Variants in PVT1 observed in about 807,000 individuals in gnomAD.
PVT1 encodes the protein CXCR4/PVT1 fusion.
At chr8:127,858,905 T>C (rs533812747) in intron 2 of PVT1, among the ~76,000 whole-genome samples, 2 of 145,664 alleles carry the variant, frequency 1.4e-5, no homozygotes, top group Middle Eastern at 7.2e-3. Flanking sequence ...GCTTCTGGGT[T>C]CAAATGATTC....
chr8:127,817,518 T>C (rs1814677843), intron 2 of PVT1, among the ~76,000 whole-genome samples: 1 of 74,000 alleles, frequency 1.4e-5, no homozygotes, highest in South Asian at 4.6e-4. Context: ...TAAATAGATA[T>C]ATCTATTTAA....
intron 3 of PVT1, among the ~76,000 whole-genome samples, chr8:127,904,338 G>T (rs1249471666): frequency 3.4e-5 from 1 of 29,140 alleles, no homozygotes; most frequent in East Asian, 5.7e-4. Flanking sequence ...TGTTCTGGTG[G>T]GTTATCCAGT....
intron 3 of PVT1, among the ~76,000 whole-genome samples, chr8:127,945,857 G>C (rs1464925298): frequency 5.3e-5 from 8 of 152,076 alleles, no homozygotes; most frequent in Non-Finnish European, 1.2e-4. Flanking sequence ...GGAACCGAAG[G>C]CCTGGCTTTT....
intron 2 of PVT1, among the ~76,000 whole-genome samples, chr8:127,823,916 G>A (rs1490321233): frequency 6.6e-6 from 1 of 152,222 alleles, no homozygotes; most frequent in Admixed American, 6.5e-5. Flanking sequence ...TCTGAGGCTG[G>A]GTGAGGTGGC....
chr8:127,903,939 T>C (rs1322089837), intron 3 of PVT1, among the ~76,000 whole-genome samples: 1 of 152,224 alleles, frequency 6.6e-6, no homozygotes, highest in Admixed American at 6.5e-5. Context: ...AATTTTAGAA[T>C]AGTTTTTTCT....
At chr8:127,889,119 C>CTCTT (rs113371797) in intron 2 of PVT1, among the ~76,000 whole-genome samples, 18 of 144,778 alleles carry the variant, frequency 1.2e-4, no homozygotes, top group African/African-American at 3.6e-4. Context: ...TTCCCTCTCT[C>CTCTT]TCTTTCTTTC....
intron 2 of PVT1, among the ~76,000 whole-genome samples, chr8:127,846,211 T>C (rs1815032110): frequency 6.6e-6 from 1 of 151,878 alleles, no homozygotes; most frequent in Non-Finnish European, 1.5e-5. Flanking sequence ...GTCAGTAGAA[T>C]GGAAAGAAAG....
intron 3 of PVT1, among the ~76,000 whole-genome samples, chr8:127,966,063 G>A (rs1242279655): frequency 6.6e-6 from 1 of 152,188 alleles, no homozygotes; most frequent in Admixed American, 6.5e-5. Flanking sequence ...TGCTTGGTTT[G>A]CATTAAATTA....
At chr8:128,065,576 C>T (rs1813898721) in intron 4 of PVT1, among the ~76,000 whole-genome samples, 1 of 152,142 alleles carries the variant, frequency 6.6e-6, no homozygotes. Context: ...TGGCCCTGAA[C>T]CCTGAGGGTA....
Position 127,872,180 on chromosome 8 carries a change from C to T in PVT1, n.373-18409C>T, listed in dbSNP as rs371677054. Among the ~76,000 whole-genome samples, 16 of 151,944 alleles carry T rather than the reference C, an allele frequency of 1.1e-4. No homozygotes were observed. The South Asian group carries it at 2.5e-3, about 24-fold the overall frequency. On this transcript the variant is annotated intron_variant and non_coding_transcript_variant, in intron 2 of 10. Transcript: ENST00000651587. The stretch of plus-strand genomic sequence containing the variant: ...CTGTAATCCCAGCACTTGGAGAGGC[C>T]GAGGCAGGCAGATCACTGAGGTCAG...
chr8:128,064,111 T>C (rs1015760468), intron 4 of PVT1, among the ~76,000 whole-genome samples: 1 of 152,206 alleles, frequency 6.6e-6, no homozygotes, highest in African/African-American at 2.4e-5. Flanking sequence ...GTGACAGCGC[T>C]ATTGATAGTC....
At chr8:127,927,502 C>T (rs1232778768) in intron 3 of PVT1, among the ~76,000 whole-genome samples, 2 of 152,208 alleles carry the variant, frequency 1.3e-5, no homozygotes, top group African/African-American at 4.8e-5. Flanking sequence ...TTGGATGCCT[C>T]TTAGGGGGAT....
intron 4 of PVT1, among the ~76,000 whole-genome samples, chr8:128,018,946 G>T (rs1056604174): frequency 6.6e-6 from 1 of 152,238 alleles, no homozygotes; most frequent in Admixed American, 6.5e-5. Context: ...CGCGAGGTTT[G>T]TGGCTCAGTC....
chr8:127,855,741 G>C (rs138832995), intron 2 of PVT1, among the ~76,000 whole-genome samples: 2 of 152,350 alleles, frequency 1.3e-5, no homozygotes, highest in African/African-American at 4.8e-5. Flanking sequence ...GCCTGTGTTT[G>C]GAACAAGTAT....
In PVT1 at chr8:128,037,670, G is replaced by A. The variant is rs567816090; in HGVS notation, n.913-32490G>A. On this transcript the variant is annotated intron_variant and non_coding_transcript_variant, in intron 4 of 10. Transcript: ENST00000651587. ...TTCTCTGCCCTTGCTGAGAAGCCTG[G>A]GTTCTGAACCCCAGGCCTCCGTGGG... is the stretch of plus-strand genomic sequence containing the variant. 3.3e-5 allele frequency among the ~76,000 whole-genome samples: 5 copies of A among 152,292 alleles called. No individual in the cohort carries two copies. The South Asian group carries it at 1.0e-3, about 32-fold the overall frequency.
At chr8:127,816,063 A>G (rs1409149828) in intron 2 of PVT1, among the ~76,000 whole-genome samples, 3 of 152,146 alleles carry the variant, frequency 2.0e-5, no homozygotes, top group Admixed American at 1.3e-4. Context: ...GGCGGAGGTT[A>G]TGGTGAGCTG....
chr8:127,934,374 G>T (rs183119804), intron 3 of PVT1, among the ~76,000 whole-genome samples: 1 of 152,330 alleles, frequency 6.6e-6, no homozygotes, highest in Admixed American at 6.5e-5. Context: ...GGTGACTGGG[G>T]TGGGGACTGC....
intron 4 of PVT1, among the ~76,000 whole-genome samples, chr8:127,995,370 A>G (rs1817092399): frequency 6.6e-6 from 1 of 152,234 alleles, no homozygotes; most frequent in Admixed American, 6.5e-5. Flanking sequence ...CTGTGTTCAC[A>G]GCATCCGGCT....
At chr8:127,938,173 A>G (rs561597456) in intron 3 of PVT1, among the ~76,000 whole-genome samples, 1 of 152,316 alleles carries the variant, frequency 6.6e-6, no homozygotes, top group East Asian at 1.9e-4. Context: ...CCCTCACATC[A>G]TTCCAGAAAC....
Sources: gnomAD v4.1 joint callset for allele counts (sites outside exome capture counted in the v4.1 genomes callset) on GRCh38, gnomAD v4.1.1 for gene constraint, MANE v1.5 for transcripts, NCBI Gene and HGNC (gene_info 2026-07-23, HGNC 2026-07-21) for gene names.